TRPC6: variants seen among roughly 807,000 people sequenced by gnomAD.
TRPC6 encodes transient receptor potential cation channel subfamily C member 6.
Under a neutral mutation model 90.7 loss-of-function variants are expected in TRPC6, and 55 were observed. The ratio of observed to expected loss-of-function variants is 0.61; its 90% CI spans 0.49 to 0.76. TRPC6 has a LOEUF of 0.76. TRPC6 is among the 30% of genes least tolerant of loss of function. TRPC6 has a pLI of 0.00. For synonymous variants in TRPC6, 393 were observed against 393.0 expected (o/e 1.00, Z 0.00); for missense variants, 989 against 1,122.7 (o/e 0.88, Z 1.70).
chr11:101,483,099 G>A lies in TRPC6; in HGVS notation c.1360C>T (p.Leu454=), dbSNP rs752026850. The part of the protein sequence containing the change: ...VAHAASFTIF[L]GLLVMNAADR... ...GCTGCATTCATGACTAGCAGTCCCAGAAAAATGGTGAAGGAGGCTGCGTGT... is the reference window on the plus strand; with the variant it reads ...GCTGCATTCATGACTAGCAGTCCCAAAAAAATGGTGAAGGAGGCTGCGTGT... Residue 454 remains leucine, a synonymous_variant, in exon 5 of 13, where the codon CTG becomes TTG. Transcript: ENST00000344327. 3 of 1,614,054 alleles carry A rather than the reference G, an allele frequency of 1.9e-6. No homozygotes were observed. The highest frequency in any genetic ancestry group is 4.5e-5 in the East Asian group (2 of 44,876).
At chr11:101,513,304 CCA>C (rs1477150297) in intron 1 of TRPC6, among the ~76,000 whole-genome samples, 1 of 152,184 alleles carries the variant, frequency 6.6e-6, no homozygotes, top group Non-Finnish European at 1.5e-5. Context: ...TGGTGCTATT[CCA>C]CAGTCAGTGA....
At chr11:101,543,032 C>G (rs1332817480) in intron 1 of TRPC6, among the ~76,000 whole-genome samples, 3 of 152,044 alleles carry the variant, frequency 2.0e-5, no homozygotes, top group Non-Finnish European at 4.4e-5. Context: ...AATACATACA[C>G]AGTAAAGAAC....
chr11:101,557,358 AAAAAT>A (rs1034747421), intron 1 of TRPC6, among the ~76,000 whole-genome samples: 17 of 152,208 alleles, frequency 1.1e-4, no homozygotes, highest in African/African-American at 3.6e-4. Flanking sequence ...CTGTGTCTCA[AAAAAT>A]AAAATAAAAG....
intron 10 of TRPC6, among the ~76,000 whole-genome samples, chr11:101,468,601 A>T (rs150421974): frequency 6.6e-6 from 1 of 152,166 alleles, no homozygotes; most frequent in Non-Finnish European, 1.5e-5. Context: ...TTACTCCTAC[A>T]TGCCTGAAAA....
intron 1 of TRPC6, among the ~76,000 whole-genome samples, chr11:101,546,612 G>C (rs531628648): frequency 6.6e-6 from 1 of 152,166 alleles, no homozygotes; most frequent in South Asian, 2.1e-4. Flanking sequence ...GTACAAGGTG[G>C]GAATTGTAAT....
chr11:101,545,675 A>C (rs989082544), intron 1 of TRPC6, among the ~76,000 whole-genome samples: 83 of 152,328 alleles, frequency 5.4e-4, no homozygotes, highest in African/African-American at 1.8e-3. Flanking sequence ...ATTCAGCCTT[A>C]ATACATTTCT....
chr11:101,556,894 T>A (rs540415271), intron 1 of TRPC6, among the ~76,000 whole-genome samples: 2 of 152,328 alleles, frequency 1.3e-5, no homozygotes, highest in South Asian at 4.1e-4. Flanking sequence ...GATGCAAGGA[T>A]GGCTCAACAT....
intron 1 of TRPC6, among the ~76,000 whole-genome samples, chr11:101,517,882 G>C (rs191724294): frequency 2.6e-5 from 4 of 152,156 alleles, no homozygotes; most frequent in Admixed American, 2.6e-4. Flanking sequence ...TTCTGGTCCT[G>C]TTAAGGAGAA....
At chr11:101,520,829 T>C (rs915459556) in intron 1 of TRPC6, among the ~76,000 whole-genome samples, 4 of 152,162 alleles carry the variant, frequency 2.6e-5, no homozygotes, top group African/African-American at 9.7e-5. Flanking sequence ...ACTGTGGAAC[T>C]TTGACCTTCA....
chr11:101,483,271 C>A, intron 4 of TRPC6, 106 bp from the exon 5 acceptor site: 5 of 1,203,972 alleles, frequency 4.2e-6, no homozygotes, highest in Non-Finnish European at 6.0e-6. Flanking sequence ...CAATGATCTC[C>A]TGAGATAATT....
At chr11:101,528,078 AATATAT>A (rs1337107541) in intron 1 of TRPC6, among the ~76,000 whole-genome samples, 2 of 151,666 alleles carry the variant, frequency 1.3e-5, no homozygotes, top group African/African-American at 4.8e-5. Context: ...ATCTCAAAAA[AATATAT>A]ATATATATTT....
At chr11:101,470,334 T>C (rs1859259087) in intron 9 of TRPC6, among the ~76,000 whole-genome samples, 1 of 152,188 alleles carries the variant, frequency 6.6e-6, no homozygotes, top group Admixed American at 6.5e-5. Flanking sequence ...AAGATGGAAA[T>C]TACAAAGATA....
In TRPC6 at chr11:101,491,875, G is replaced by A. The variant is rs1007532404; in HGVS notation, c.946-137C>T. ...TTTTTTTTTGAGACGGAGCCTGGCT[G>A]TGTTGCCCAGGCTGGAGTGCAGTGG... On this transcript the variant is annotated intron_variant, in intron 2 of 12. Transcript: ENST00000344327. 6.5e-5 allele frequency: 52 copies of A among 796,820 alleles called. 2 individuals are homozygous for A. In the African/African-American group the frequency reaches 1.2e-3, roughly 19 times the overall value. The allele number at this position is 796,820 out of a possible 1,614,324, so 49.4% of individuals were successfully genotyped here.
intron 2 of TRPC6, among the ~76,000 whole-genome samples, chr11:101,498,710 C>T (rs909967795): frequency 6.6e-6 from 1 of 152,106 alleles, no homozygotes; most frequent in African/African-American, 2.4e-5. Flanking sequence ...CGTCTTCAAA[C>T]AGAGGTACAT....
intron 1 of TRPC6, among the ~76,000 whole-genome samples, chr11:101,519,548 A>C (rs2136774466): frequency 6.6e-6 from 1 of 152,194 alleles, no homozygotes. Flanking sequence ...GTTCTCTCCA[A>C]TATCTGCTTC....
intron 1 of TRPC6, among the ~76,000 whole-genome samples, chr11:101,542,409 C>T (rs10791496): frequency 0.36 from 54,781 of 151,942 alleles, 10,216 homozygotes; most frequent in East Asian, 0.44. Context: ...ACAGATCTAG[C>T]TTTGTTAGGT....
intron 1 of TRPC6, among the ~76,000 whole-genome samples, chr11:101,549,519 G>A (rs1861404866): frequency 6.6e-6 from 1 of 151,176 alleles, no homozygotes; most frequent in Admixed American, 6.6e-5. Flanking sequence ...GTTACAAGAG[G>A]CTATAATAAA....
At chr11:101,569,741 A>G (rs1454611206) in intron 1 of TRPC6, among the ~76,000 whole-genome samples, 2 of 152,214 alleles carry the variant, frequency 1.3e-5, no homozygotes, top group South Asian at 4.1e-4. Flanking sequence ...AACTACATAG[A>G]AACTGAACAA....
chr11:101,454,345 A>G (rs1858836037), intron 11 of TRPC6, among the ~76,000 whole-genome samples: 1 of 152,170 alleles, frequency 6.6e-6, no homozygotes, highest in African/African-American at 2.4e-5. Flanking sequence ...AATGGTAGAT[A>G]GTAAAACTCT....
Sources: gnomAD v4.1 joint callset for allele counts (sites outside exome capture counted in the v4.1 genomes callset) on GRCh38, gnomAD v4.1.1 for gene constraint, MANE v1.5 for transcripts, NCBI Gene and HGNC (gene_info 2026-07-23, HGNC 2026-07-21) for gene names.